The following AP1AR variants were observed in gnomAD, a reference collection of about 807,000 sequenced individuals.
AP1AR encodes AP-1 complex-associated regulatory protein.
In AP1AR, 29 loss-of-function variants were observed where a neutral mutation model predicts 46.3. The observed-to-expected ratio is 0.63, with a 90% CI of 0.47 to 0.85. AP1AR has a LOEUF of 0.85. AP1AR is among the 40% of genes least tolerant of loss of function. The pLI, the probability that AP1AR is intolerant of heterozygous loss-of-function variation, is 0.00. For missense variants in AP1AR, 357 were observed against 356.3 expected, an observed-to-expected ratio of 1.00 and a Z score of -0.02; for synonymous variants, 122 against 122.9, an observed-to-expected ratio of 0.99 and a Z score of 0.05.
rs1392285564 is a variant in AP1AR, at chr4:112,272,257, G to A, written c.*3848G>A. Among the ~76,000 whole-genome samples the A allele has an allele frequency of 1.3e-5, 2 of 152,102 alleles. No homozygotes were observed. The highest frequency in any genetic ancestry group is 6.5e-5 in the Admixed American group (1 of 15,272). ...GCAGATATGAACAGGGCAGGACAGC[G>A]CCACAAAGACTGTGAGGGCTGGTGA... On this transcript the variant is annotated 3_prime_UTR_variant, in exon 10 of 10. Transcript: ENST00000274000.
chr4:112,232,288 A>T, intron 1 of AP1AR, 114 bp downstream of exon 1: 1 of 894,220 alleles, frequency 1.1e-6, no homozygotes, highest in Middle Eastern at 3.9e-4. Context: ...GAGCCCTGCT[A>T]CACTCACTGC....
chr4:112,260,873 T>C lies in AP1AR; in HGVS notation c.282+11T>C. 2.7e-6 allele frequency: 4 copies of C among 1,496,288 alleles called. No individual in the cohort carries two copies. Among genetic ancestry groups the C allele is most frequent in the Non-Finnish European group, 3.7e-6 (4 of 1,087,288 alleles). 92.7% of individuals were successfully genotyped at this position (1,496,288 alleles called of 1,614,324 possible). The stretch of plus-strand genomic sequence containing the variant: ...AAAATTCAAAAAGAGGTAAATTGTC[T>C]TTTATATTGCTTAAGTACATGTTAT... On this transcript the variant is annotated intron_variant, in intron 5 of 9. Coordinates refer to ENST00000274000, the MANE Select transcript of AP1AR (RefSeq NM_018569.6).
intron 3 of AP1AR, among the ~76,000 whole-genome samples, chr4:112,256,782 C>G (rs758308784): frequency 2.6e-5 from 4 of 152,130 alleles, no homozygotes; most frequent in Non-Finnish European, 4.4e-5. Context: ...ATTTCATAAC[C>G]TTGTGAAAGA....
rs536923959 is a variant in AP1AR at position 112,271,430 on chromosome 4, A to G, written c.*3021A>G. Among the ~76,000 whole-genome samples, 1 of 152,372 alleles carries G rather than the reference A, an allele frequency of 6.6e-6. No homozygotes were observed. Among genetic ancestry groups the G allele is most frequent in the Non-Finnish European group, 1.5e-5 (1 of 68,034 alleles). On this transcript the variant is annotated 3_prime_UTR_variant, in exon 10 of 10. Coordinates refer to ENST00000274000, the MANE Select transcript of AP1AR (RefSeq NM_018569.6). ...GAGCTATTTCTACTTGTCATCTGTC[A>G]TCTTGTCCCCTTGGTTCAGTGTCAT...
chr4:112,241,760 T>G (rs1725509343), intron 1 of AP1AR, among the ~76,000 whole-genome samples: 1 of 152,260 alleles, frequency 6.6e-6, no homozygotes, highest in Non-Finnish European at 1.5e-5. Context: ...AAAAATGTGT[T>G]GATTTTATCC....
At chr4:112,264,900 T>C in intron 6 of AP1AR, 109 bp from the exon 7 acceptor site, 1 of 603,080 alleles carries the variant, frequency 1.7e-6, no homozygotes, top group Non-Finnish European at 2.6e-6. Flanking sequence ...ACAAAATAAC[T>C]TTTTTTTTTA....
chr4:112,244,735 C>A lies in AP1AR; in HGVS notation c.84-8473C>A, dbSNP rs1048309860. 3.9e-5 allele frequency among the ~76,000 whole-genome samples: 6 copies of A among 152,094 alleles called. No homozygotes were observed. The South Asian group carries it at 1.2e-3, about 32-fold the overall frequency. ...GGAGACCTCCTTAGATTTACTCTTG[C>A]CATTTTCTGTTGTTGTTTCCTATGG... On this transcript the variant is annotated intron_variant, in intron 1 of 9. Transcript: ENST00000274000.
chr4:112,245,392 G>A (rs189150141), intron 1 of AP1AR, among the ~76,000 whole-genome samples: 1 of 152,154 alleles, frequency 6.6e-6, no homozygotes. Context: ...TGAACATGGA[G>A]GGGGAAGAAT....
intron 1 of AP1AR, among the ~76,000 whole-genome samples, chr4:112,247,765 T>G (rs1490730682): frequency 6.6e-6 from 1 of 152,220 alleles, no homozygotes; most frequent in Non-Finnish European, 1.5e-5. Context: ...GATCTTCCAG[T>G]GAAGTTGTTA....
rs771275739 is a variant in AP1AR, at chr4:112,269,722, G to A, written c.*1313G>A. The A allele has an allele frequency of 6.6e-6, 1 of 151,856 alleles. No homozygotes were observed. Among genetic ancestry groups the A allele is most frequent in the Admixed American group, 6.6e-5 (1 of 15,188 alleles). 9.4% of individuals were successfully genotyped at this position (151,856 alleles called of 1,614,324 possible). A position where few individuals can be genotyped will look rare whatever the true frequency, so the allele number is the denominator to read the frequency against. On this transcript the variant is annotated 3_prime_UTR_variant, in exon 10 of 10. Transcript: ENST00000274000. ...TTTGAACTGCTAAGCAATGACATCT[G>A]TAGTTTTATCTCCTTTTTTATGTCA...
chr4:112,268,419 G>C lies in AP1AR; in HGVS notation c.*10G>C. 6.4e-7 allele frequency: 1 copy of C among 1,565,398 alleles called. No homozygotes were observed. Among genetic ancestry groups the C allele is most frequent in the Non-Finnish European group, 8.7e-7 (1 of 1,155,358 alleles). On this transcript the variant is annotated 3_prime_UTR_variant, in exon 10 of 10. Coordinates refer to ENST00000274000, the MANE Select transcript of AP1AR (RefSeq NM_018569.6). ...TCAACAGACTCGATAGGGTAAAATT[G>C]TGTGACCTTGTTTATCAGTTATGAC...
chr4:112,255,189 G>C (rs1260610196), intron 3 of AP1AR, among the ~76,000 whole-genome samples: 1 of 152,070 alleles, frequency 6.6e-6, no homozygotes, highest in African/African-American at 2.4e-5. Context: ...TCGATCTCCT[G>C]ACCTCGTGAT....
intron 1 of AP1AR, among the ~76,000 whole-genome samples, chr4:112,245,403 T>TA (rs1725687042): frequency 6.6e-6 from 1 of 152,136 alleles, no homozygotes; most frequent in South Asian, 2.1e-4. Flanking sequence ...GGGGAAGAAT[T>TA]AAGGAAGATC....
intron 3 of AP1AR, among the ~76,000 whole-genome samples, chr4:112,256,933 A>G (rs1726224047): frequency 6.6e-6 from 1 of 152,226 alleles, no homozygotes; most frequent in South Asian, 2.1e-4. Flanking sequence ...ACCAATCAGT[A>G]TATAGCCTCA....
At chr4:112,256,867 G>T (rs1219316276) in intron 3 of AP1AR, among the ~76,000 whole-genome samples, 2 of 152,190 alleles carry the variant, frequency 1.3e-5, no homozygotes, top group Non-Finnish European at 2.9e-5. Flanking sequence ...AAGCATTACT[G>T]CAGGGGAAAT....
chr4:112,262,846 C>A, intron 5 of AP1AR, 142 bp from the exon 6 acceptor site: 2 of 626,358 alleles, frequency 3.2e-6, no homozygotes, highest in South Asian at 4.4e-5. Context: ...CAATTGCAAA[C>A]ATTTCAATTC....
chr4:112,246,370 G>T (rs1442167799), intron 1 of AP1AR, among the ~76,000 whole-genome samples: 1 of 152,190 alleles, frequency 6.6e-6, no homozygotes, highest in African/African-American at 2.4e-5. Context: ...GCTGGGCATG[G>T]TGGTGCACGC....
intron 3 of AP1AR, among the ~76,000 whole-genome samples, chr4:112,255,540 A>G (rs1578415120): frequency 6.6e-6 from 1 of 152,294 alleles, no homozygotes. Flanking sequence ...AGCTGGGACC[A>G]TCGGTGTGTA....
At chr4:112,239,142 T>TA (rs1725376162) in intron 1 of AP1AR, among the ~76,000 whole-genome samples, 4 of 152,262 alleles carry the variant, frequency 2.6e-5, no homozygotes, top group South Asian at 4.1e-4. Flanking sequence ...ACCCTCCTGA[T>TA]ACGCCCTTTT....
Sources: gnomAD v4.1 joint callset for allele counts (sites outside exome capture counted in the v4.1 genomes callset) on GRCh38, gnomAD v4.1.1 for gene constraint, MANE v1.5 for transcripts, NCBI Gene and HGNC (gene_info 2026-07-23, HGNC 2026-07-21) for gene names.